Variants in CERK observed in about 807,000 individuals in gnomAD.
CERK encodes the protein acylsphingosine kinase.
In CERK, 39 loss-of-function variants were observed where a neutral mutation model predicts 63.4. That is an observed-to-expected ratio of 0.61 (90% confidence interval 0.48 to 0.80). The LOEUF is 0.80. Among genes scored for constraint, CERK ranks in the 30% least tolerant of loss-of-function variants. CERK has a pLI of 0.00. For missense variants in CERK, 670 were observed against 714.1 expected, an observed-to-expected ratio of 0.94 and a Z score of 0.70; for synonymous variants, 302 against 280.0, an observed-to-expected ratio of 1.08 and a Z score of -0.78.
intron 6 of CERK, among the ~76,000 whole-genome samples, chr22:46,706,013 AG>A (rs2146561739): frequency 6.6e-6 from 1 of 152,370 alleles, no homozygotes; most frequent in East Asian, 1.9e-4. Context: ...ACTCCAAACT[AG>A]GTGACAGAGT....
At chr22:46,731,348 A>AC (rs1234439159) in intron 1 of CERK, among the ~76,000 whole-genome samples, 1 of 151,518 alleles carries the variant, frequency 6.6e-6, no homozygotes, top group East Asian at 1.9e-4. Flanking sequence ...AAGCACCTCC[A>AC]CCCCCCGCCA....
chr22:46,718,828 C>G (rs1569327340), intron 3 of CERK, among the ~76,000 whole-genome samples: 1 of 152,140 alleles, frequency 6.6e-6, no homozygotes, highest in Non-Finnish European at 1.5e-5. Context: ...AATCCTAGCA[C>G]TTTGGGAGGC....
At position 46,685,648 on chromosome 22, in the gene CERK, C is replaced by T. The variant is rs2082696381; in HGVS notation, c.*1486G>A. ...CCCAGAATTTTCATTCATTATTGAA[C>T]CATTTGGCTTGCACAGTGCTCTCTG... is the stretch of plus-strand genomic sequence containing the variant. On this transcript the variant is annotated 3_prime_UTR_variant, in exon 13 of 13. Coordinates refer to ENST00000216264, the MANE Select transcript of CERK (RefSeq NM_022766.6). 2 of 152,222 alleles carry T rather than the reference C, an allele frequency of 1.3e-5. No homozygotes were observed. The highest frequency in any genetic ancestry group is 4.8e-5 in the African/African-American group (2 of 41,450). The allele number at this position is 152,222 out of a possible 1,614,324, so 9.4% of individuals were successfully genotyped here.
chr22:46,738,230 C>CCAGGCGG lies in CERK; in HGVS notation c.-83_-82insCCGCCTG. On this transcript the variant is annotated 5_prime_UTR_variant, in exon 1 of 13. Transcript: ENST00000216264. ...GACCGTTAGCGGCCCCTGCAGTGGC[C>CCAGGCGG]CGGGCGGCGGGCGGCGGGCGGCGGG... 2 of 513,552 alleles carry CCAGGCGG rather than the reference C, an allele frequency of 3.9e-6. No individual in the cohort carries two copies. Among genetic ancestry groups the CCAGGCGG allele is most frequent in the Non-Finnish European group, 4.9e-6 (2 of 407,188 alleles). 31.8% of individuals were successfully genotyped at this position (513,552 alleles called of 1,614,324 possible). A position where few individuals can be genotyped will look rare whatever the true frequency, so the allele number is the denominator to read the frequency against.
intron 6 of CERK, among the ~76,000 whole-genome samples, chr22:46,702,208 T>TAAA (rs1401175534): frequency 8.6e-6 from 1 of 116,070 alleles, no homozygotes; most frequent in Non-Finnish European, 1.7e-5. Flanking sequence ...GCCAAAAAGT[T>TAAA]AAAAAAATAT....
chr22:46,705,150 G>A (rs756126079), intron 6 of CERK, among the ~76,000 whole-genome samples: 3 of 152,244 alleles, frequency 2.0e-5, no homozygotes, highest in Non-Finnish European at 2.9e-5. Flanking sequence ...GAGACTCCAC[G>A]TCAAGGGATG....
intron 10 of CERK, 134 bp downstream of exon 10, chr22:46,693,293 T>TCTC: frequency 1.4e-6 from 1 of 708,450 alleles, no homozygotes; most frequent in Non-Finnish European, 2.5e-6. Flanking sequence ...TAAGAAGAAA[T>TCTC]GGATGCCTGG....
intron 4 of CERK, 129 bp from the exon 5 acceptor site, chr22:46,711,278 C>T (rs541307057): frequency 2.9e-6 from 2 of 697,864 alleles, no homozygotes; most frequent in South Asian, 3.4e-5. Context: ...ATAAAATTCC[C>T]TCTTCAATTC....
chr22:46,684,568 T>C lies in CERK; in HGVS notation c.*2566A>G, dbSNP rs710124. The C allele has an allele frequency of 0.44, 66,941 of 152,054 alleles. 15,816 individuals carry two copies. The highest frequency in any genetic ancestry group is 0.6 in the African/African-American group (25,054 of 41,478). 9.4% of individuals were successfully genotyped at this position (152,054 alleles called of 1,614,324 possible). On this transcript the variant is annotated 3_prime_UTR_variant, in exon 13 of 13. Coordinates refer to ENST00000216264, the MANE Select transcript of CERK (RefSeq NM_022766.6). ...ATTGTATTCAGGAACGAAGTCAAAC[T>C]CGGCCTCACTTCTTAATTAGAATAA...
chr22:46,710,098 C>T (rs956635915), intron 5 of CERK, among the ~76,000 whole-genome samples: 2 of 152,142 alleles, frequency 1.3e-5, no homozygotes, highest in African/African-American at 4.8e-5. Flanking sequence ...TAATACCAAA[C>T]ATGTTGACAA....
intron 6 of CERK, among the ~76,000 whole-genome samples, chr22:46,701,971 A>G (rs1569321865): frequency 1.3e-5 from 2 of 152,270 alleles, no homozygotes; most frequent in African/African-American, 4.8e-5. Flanking sequence ...ACTTGAGGTC[A>G]GGAGTTCGAG....
intron 4 of CERK, among the ~76,000 whole-genome samples, chr22:46,711,457 T>C (rs2082840606): frequency 6.6e-6 from 1 of 152,208 alleles, no homozygotes; most frequent in Non-Finnish European, 1.5e-5. Flanking sequence ...TTCCTTATTA[T>C]ACAAGTTACT....
chr22:46,729,191 T>C (rs538210753), intron 1 of CERK, among the ~76,000 whole-genome samples: 1 of 152,272 alleles, frequency 6.6e-6, no homozygotes, highest in East Asian at 1.9e-4. Context: ...AGTGAGGCCC[T>C]GTCTCTACAA....
intron 1 of CERK, among the ~76,000 whole-genome samples, chr22:46,733,984 C>T (rs1031477047): frequency 2.0e-5 from 3 of 151,602 alleles, no homozygotes; most frequent in Admixed American, 6.6e-5. Context: ...TGCAGTGAGC[C>T]GAGACCTTGC....
intron 1 of CERK, among the ~76,000 whole-genome samples, chr22:46,737,412 C>T (rs572840510): frequency 9.4e-4 from 143 of 152,250 alleles, no homozygotes; most frequent in Non-Finnish European, 1.9e-3. Context: ...CAAAGTCACT[C>T]TTCTCCTCAT....
At chr22:46,721,134 T>G in intron 1 of CERK, 119 bp from the exon 2 acceptor site, 1 of 693,608 alleles carries the variant, frequency 1.4e-6, no homozygotes, top group East Asian at 2.7e-5. Flanking sequence ...AAATTCAGGC[T>G]GGGTGTGGTG....
At chr22:46,701,097 G>A (rs577905115) in intron 7 of CERK, among the ~76,000 whole-genome samples, 10 of 152,374 alleles carry the variant, frequency 6.6e-5, no homozygotes, top group African/African-American at 2.2e-4. Flanking sequence ...GTCTACTGGG[G>A]TGAGGAACAG....
intron 1 of CERK, among the ~76,000 whole-genome samples, chr22:46,734,063 CATACAT>C (rs1569332321): frequency 9.9e-6 from 1 of 100,768 alleles, no homozygotes; most frequent in African/African-American, 3.4e-5. Flanking sequence ...TATATACATA[CATACAT>C]ATATATATAT....
At chr22:46,720,863 T>C in intron 2 of CERK, 39 bp downstream of exon 2, 1 of 1,245,444 alleles carries the variant, frequency 8.0e-7, no homozygotes, top group South Asian at 1.2e-5. Flanking sequence ...CTACATAGAA[T>C]TAATGAAGAA....
Sources: allele counts gnomAD v4.1 joint callset (sites outside exome capture counted in the v4.1 genomes callset), GRCh38; gene constraint gnomAD v4.1.1; transcripts MANE v1.5; gene names NCBI Gene and HGNC (gene_info 2026-07-23, HGNC 2026-07-21).